GLIS3: variants seen among roughly 807,000 people sequenced by gnomAD.
GLIS3 encodes the protein zinc finger protein GLIS3.
In GLIS3, 53 loss-of-function variants were observed where a neutral mutation model predicts 78.6. That is an observed-to-expected ratio of 0.67 (90% CI 0.54 to 0.85). GLIS3 has a LOEUF of 0.85. Among genes scored for constraint, GLIS3 ranks in the 40% least tolerant of loss-of-function variants. GLIS3 has a pLI of 0.00. For synonymous variants in GLIS3, 684 were observed against 509.9 expected (o/e 1.34, Z -4.60); for missense variants, 1,703 against 1,231.1 (o/e 1.38, Z -5.74).
intron 2 of GLIS3, among the ~76,000 whole-genome samples, chr9:4,134,525 A>T (rs1356408388): frequency 6.6e-6 from 1 of 152,194 alleles, no homozygotes; most frequent in African/African-American, 2.4e-5. Flanking sequence ...CTAAAAGACA[A>T]ATAATACTAT....
chr9:3,933,244 C>T (rs996406562), intron 5 of GLIS3, among the ~76,000 whole-genome samples: 2 of 151,900 alleles, frequency 1.3e-5, no homozygotes, highest in South Asian at 2.1e-4. Context: ...GGCGCAATCT[C>T]GGCTCACTGC....
At chr9:4,159,008 T>C (rs1835256914) in intron 2 of GLIS3, among the ~76,000 whole-genome samples, 3 of 127,098 alleles carry the variant, frequency 2.4e-5, no homozygotes. Context: ...TGAACCAGCT[T>C]GGTATGCTAG....
At chr9:4,006,948 T>C (rs766116452) in intron 4 of GLIS3, among the ~76,000 whole-genome samples, 8 of 152,184 alleles carry the variant, frequency 5.3e-5, no homozygotes, top group African/African-American at 9.7e-5. Flanking sequence ...GAAGCAAAGA[T>C]TACAGCCAAG....
the GLIS3 span, among the ~76,000 whole-genome samples, chr9:4,407,577 G>A: frequency 1.3e-5 from 2 of 152,340 alleles, no homozygotes; most frequent in African/African-American, 2.4e-5. Flanking sequence ...AACCCGGGAG[G>A]CGGAGCTTGC....
At chr9:4,325,343 G>A (rs1317014804) in intron 2 of GLIS3, among the ~76,000 whole-genome samples, 1 of 152,200 alleles carries the variant, frequency 6.6e-6, no homozygotes. Flanking sequence ...TTAATGTGGT[G>A]ACTAGAACCC....
the GLIS3 span, among the ~76,000 whole-genome samples, chr9:4,484,982 C>A: frequency 6.8e-6 from 1 of 146,932 alleles, no homozygotes; most frequent in African/African-American, 2.5e-5. Flanking sequence ...TATTGTAGAA[C>A]CTAAGATTGG....
At chr9:4,171,791 G>C (rs1216142009) in intron 2 of GLIS3, among the ~76,000 whole-genome samples, 2 of 152,242 alleles carry the variant, frequency 1.3e-5, no homozygotes, top group South Asian at 2.1e-4. Context: ...GTGTAATTTG[G>C]AACTACAGTA....
intron 2 of GLIS3, among the ~76,000 whole-genome samples, chr9:4,160,610 G>C (rs981187157): frequency 1.3e-5 from 2 of 152,150 alleles, no homozygotes; most frequent in African/African-American, 4.8e-5. Context: ...AAGCTTGTTT[G>C]ACAGTTTTGT....
chr9:4,481,542 G>T, the GLIS3 span, among the ~76,000 whole-genome samples: 2 of 150,620 alleles, frequency 1.3e-5, no homozygotes, highest in African/African-American at 5.0e-5. Context: ...GTGTGTGTGT[G>T]TACCGTTTTC....
At chr9:4,025,997 G>A (rs996241519) in intron 4 of GLIS3, among the ~76,000 whole-genome samples, 4 of 152,176 alleles carry the variant, frequency 2.6e-5, no homozygotes, top group Non-Finnish European at 4.4e-5. Context: ...AAAAGTAGAA[G>A]TCATGATAGG....
upstream of GLIS3, among the ~76,000 whole-genome samples, chr9:4,302,310 A>G (rs1470563475): frequency 2.0e-5 from 3 of 152,162 alleles, no homozygotes; most frequent in Non-Finnish European, 4.4e-5. Context: ...CCCTCTCTAG[A>G]GACCAGTGTT....
At chr9:4,282,839 T>G (rs564457872) in intron 2 of GLIS3, among the ~76,000 whole-genome samples, 1 of 152,124 alleles carries the variant, frequency 6.6e-6, no homozygotes, top group Non-Finnish European at 1.5e-5. Flanking sequence ...AAGAGTCCCA[T>G]GTTCCATCAG....
At chr9:4,139,424 T>C (rs1258941990) in intron 2 of GLIS3, among the ~76,000 whole-genome samples, 1 of 152,202 alleles carries the variant, frequency 6.6e-6, no homozygotes, top group Non-Finnish European at 1.5e-5. Context: ...CTGAAATGTG[T>C]GTAAGTCATG....
At chr9:4,230,942 C>T (rs2131364326) in intron 2 of GLIS3, among the ~76,000 whole-genome samples, 1 of 152,226 alleles carries the variant, frequency 6.6e-6, no homozygotes, top group East Asian at 1.9e-4. Context: ...TGCAGTGGCT[C>T]ACATCTATAA....
At chr9:4,105,652 C>T (rs60210069) in intron 4 of GLIS3, among the ~76,000 whole-genome samples, 3 of 152,048 alleles carry the variant, frequency 2.0e-5, no homozygotes, top group Admixed American at 6.5e-5. Flanking sequence ...TCATTTTTTC[C>T]GAAGTTCTGA....
In GLIS3 at chr9:4,073,503, C is replaced by G. The variant is rs577073424; in HGVS notation, c.1710+44265G>C. ...CATCTCCACGCCCAGGCTTAGAGAG[C>G]TGGTAGACAGACACTCAGGGTGGGA... On this transcript the variant is annotated intron_variant, in intron 4 of 10. Coordinates refer to ENST00000381971, the MANE Select transcript of GLIS3 (RefSeq NM_001042413.2). Among the ~76,000 whole-genome samples the G allele has an allele frequency of 6.6e-5, 10 of 152,262 alleles. No homozygotes were observed. In the East Asian group the frequency reaches 1.9e-3, roughly 29 times the overall value.
intron 2 of GLIS3, among the ~76,000 whole-genome samples, chr9:4,248,849 C>T (rs4642704): frequency 6.6e-6 from 1 of 152,186 alleles, no homozygotes; most frequent in Non-Finnish European, 1.5e-5. Context: ...GTGATGATGA[C>T]ATTTTTTTCA....
intron 4 of GLIS3, among the ~76,000 whole-genome samples, chr9:4,306,480 G>C (rs1276208628): frequency 6.6e-6 from 1 of 152,112 alleles, no homozygotes; most frequent in Admixed American, 6.5e-5. Context: ...CAACTGCCTC[G>C]AACAGCCAGG....
intron 6 of GLIS3, among the ~76,000 whole-genome samples, chr9:3,915,333 TAAGGA>T (rs1824435826): frequency 6.6e-6 from 1 of 151,952 alleles, no homozygotes; most frequent in African/African-American, 2.4e-5. Context: ...GTCAAAAATC[TAAGGA>T]AAGTGTTGCA....
Sources: gnomAD v4.1 joint callset for allele counts (sites outside exome capture counted in the v4.1 genomes callset) on GRCh38, gnomAD v4.1.1 for gene constraint, MANE v1.5 for transcripts, NCBI Gene and HGNC (gene_info 2026-07-23, HGNC 2026-07-21) for gene names.